Variants in SPMIP1 observed in about 807,000 individuals in gnomAD.
The protein encoded by SPMIP1 is protein SPMIP1.
At chr7:128,869,023 G>A in the SPMIP1 span, 35 of 427,244 alleles carry the variant, frequency 8.2e-5, no homozygotes, top group African/African-American at 6.4e-4. Flanking sequence ...TACTTCGCAG[G>A]CACGGGATCC....
chr7:128,870,880 G>T, the SPMIP1 span: 6 of 152,500 alleles, frequency 3.9e-5, no homozygotes, highest in Admixed American at 6.5e-5. Context: ...CACCCCAGCA[G>T]CCTCCTCCCA....
chr7:128,868,670 C>T, the SPMIP1 span: 4 of 1,533,746 alleles, frequency 2.6e-6, no homozygotes, highest in Admixed American at 7.9e-5. Context: ...TCCCAGGCCC[C>T]CCAGTGAAGC....
chr7:128,870,881 C>G, the SPMIP1 span: 9 of 152,420 alleles, frequency 5.9e-5, no homozygotes, highest in African/African-American at 1.9e-4. Context: ...ACCCCAGCAG[C>G]CTCCTCCCAG....
chr7:128,868,992 G>C, the SPMIP1 span: 16 of 471,220 alleles, frequency 3.4e-5, no homozygotes, highest in Non-Finnish European at 5.7e-5. Flanking sequence ...ATGACCAGAG[G>C]GTGCTGGGAA....
the SPMIP1 span, chr7:128,866,685 A>C: frequency 1.7e-5 from 26 of 1,525,636 alleles, no homozygotes; most frequent in Non-Finnish European, 2.3e-5. Flanking sequence ...ACCCGGTACC[A>C]CCTATCACCC....
At chr7:128,871,425 C>T in the SPMIP1 span, 3 of 152,222 alleles carry the variant, frequency 2.0e-5, no homozygotes, top group Admixed American at 1.3e-4. Context: ...TTCAGAAAAA[C>T]CTTCCTTAGC....
the SPMIP1 span, chr7:128,868,927 C>T: frequency 1.7e-6 from 1 of 576,264 alleles, no homozygotes; most frequent in South Asian, 2.2e-5. Context: ...GCAAGTTGCC[C>T]TCTTGCTTTT....
the SPMIP1 span, chr7:128,869,077 TC>T: frequency 2.5e-6 from 1 of 402,106 alleles, no homozygotes; most frequent in Non-Finnish European, 4.4e-6. Context: ...TTCTGGGTGT[TC>T]CTGGGGAGAG....
At chr7:128,867,611 A>G in the SPMIP1 span, among the ~76,000 whole-genome samples, 1 of 151,722 alleles carries the variant, frequency 6.6e-6, no homozygotes, top group African/African-American at 2.4e-5. Context: ...TGACTCTGTC[A>G]CCCAGGCTGG....
the SPMIP1 span, chr7:128,866,947 G>T: frequency 2.0e-6 from 2 of 1,019,852 alleles, no homozygotes; most frequent in African/African-American, 1.6e-5. Context: ...GCCAAGAAGT[G>T]TCGACACGTT....
chr7:128,870,469 A>C, the SPMIP1 span: 1 of 152,224 alleles, frequency 6.6e-6, no homozygotes, highest in Non-Finnish European at 1.5e-5. Flanking sequence ...TCGCCCCAGG[A>C]GGCCTCGGCT....
the SPMIP1 span, chr7:128,866,480 T>C: frequency 6.5e-7 from 1 of 1,536,024 alleles, no homozygotes; most frequent in Non-Finnish European, 8.7e-7. Context: ...AGGGAAAAGA[T>C]GTTGCGCTGT....
the SPMIP1 span, chr7:128,866,760 A>C: frequency 6.5e-7 from 1 of 1,535,996 alleles, no homozygotes. Flanking sequence ...TCAACACTCG[A>C]AAACTGGACA....
chr7:128,867,455 C>T, the SPMIP1 span, among the ~76,000 whole-genome samples: 101 of 152,228 alleles, frequency 6.6e-4, no homozygotes, highest in African/African-American at 2.4e-3. Context: ...CCTATTTAGC[C>T]ATGTGTGTTT....
chr7:128,866,824 C>T, the SPMIP1 span: 1 of 1,532,264 alleles, frequency 6.5e-7, no homozygotes, highest in Non-Finnish European at 8.7e-7. Context: ...GTATGGCTGG[C>T]AGCTGGGTGA....
chr7:128,867,709 C>G, the SPMIP1 span, among the ~76,000 whole-genome samples: 1 of 152,146 alleles, frequency 6.6e-6, no homozygotes, highest in African/African-American at 2.4e-5. Flanking sequence ...GTAGCTGGGA[C>G]TGCAGGCGTG....
At chr7:128,868,600 G>A in the SPMIP1 span, 1 of 1,005,694 alleles carries the variant, frequency 9.9e-7, no homozygotes, top group Non-Finnish European at 1.5e-6. Flanking sequence ...CAGACAGACA[G>A]GGCTCCCATG....
the SPMIP1 span, chr7:128,868,878 C>G: frequency 4.1e-6 from 3 of 733,566 alleles, no homozygotes. Context: ...CTCCCTGTCC[C>G]TGAGGTTGCA....
the SPMIP1 span, chr7:128,866,934 A>G: frequency 1.7e-6 from 2 of 1,169,888 alleles, no homozygotes; most frequent in Non-Finnish European, 2.3e-6. Flanking sequence ...GAGCAAGGAG[A>G]TGGCCAAGAA....
Sources: allele counts gnomAD v4.1 joint callset (sites outside exome capture counted in the v4.1 genomes callset), GRCh38; gene constraint gnomAD v4.1.1; transcripts MANE v1.5; gene names NCBI Gene and HGNC (gene_info 2026-07-23, HGNC 2026-07-21).